Variants in STK32C observed in about 807,000 individuals in gnomAD.
STK32C encodes the protein serine/threonine-protein kinase 32C.
A neutral mutation model predicts 56.5 loss-of-function variants in STK32C; 31 were observed. The ratio of observed to expected loss-of-function variants is 0.55; its 90% CI spans 0.41 to 0.74. The LOEUF is 0.74. STK32C is among the 30% of genes least tolerant of loss of function. The pLI, the probability that STK32C is intolerant of heterozygous loss-of-function variation, is 0.00. For missense variants in STK32C, 544 were observed against 676.9 expected (o/e 0.80, Z 2.18); for synonymous variants, 309 against 289.4 (o/e 1.07, Z -0.69).
intron 2 of STK32C, among the ~76,000 whole-genome samples, chr10:132,245,017 C>T (rs1315473971): frequency 1.3e-5 from 2 of 152,140 alleles, no homozygotes; most frequent in East Asian, 1.9e-4. Flanking sequence ...CTCATTTGCT[C>T]TGACTTTTCA....
chr10:132,252,021 C>G (rs2063927707), intron 1 of STK32C, among the ~76,000 whole-genome samples: 1 of 152,222 alleles, frequency 6.6e-6, no homozygotes, highest in Non-Finnish European at 1.5e-5. Context: ...TGCCCTATGC[C>G]TCCTGGGGCC....
intron 10 of STK32C, among the ~76,000 whole-genome samples, chr10:132,217,166 G>A (rs1348496202): frequency 6.6e-6 from 1 of 152,242 alleles, no homozygotes; most frequent in Non-Finnish European, 1.5e-5. Flanking sequence ...GAGCCACAAG[G>A]GCAGAGCTGC....
chr10:132,230,966 C>T (rs1323384402), intron 2 of STK32C, among the ~76,000 whole-genome samples: 4 of 152,188 alleles, frequency 2.6e-5, no homozygotes. Flanking sequence ...GCTTCCCGTG[C>T]CCTCTGGGCC....
intron 1 of STK32C, among the ~76,000 whole-genome samples, chr10:132,312,988 C>T (rs967010292): frequency 1.3e-5 from 2 of 152,100 alleles, no homozygotes; most frequent in Admixed American, 6.6e-5. Flanking sequence ...TGCTGTGAGC[C>T]GAGATCACGC....
chr10:132,219,588 C>T (rs1252656075), intron 10 of STK32C, among the ~76,000 whole-genome samples: 7 of 152,206 alleles, frequency 4.6e-5, no homozygotes, highest in East Asian at 1.9e-4. Context: ...CCCCCAACCC[C>T]GAGAACCTTC....
chr10:132,216,489 A>G (rs1054310742), intron 10 of STK32C, among the ~76,000 whole-genome samples: 154 of 151,976 alleles, frequency 1.0e-3, no homozygotes, highest in Non-Finnish European at 1.8e-3. Context: ...AAAAGAGAGA[A>G]AAAAAAGAAA....
chr10:132,260,895 G>A (rs892022796), intron 1 of STK32C, among the ~76,000 whole-genome samples: 18 of 152,198 alleles, frequency 1.2e-4, no homozygotes, highest in African/African-American at 4.1e-4. Flanking sequence ...CGAGGTCAGC[G>A]CTGCCAGACC....
At chr10:132,282,236 C>T (rs554193354) in intron 1 of STK32C, among the ~76,000 whole-genome samples, 31 of 152,380 alleles carry the variant, frequency 2.0e-4, no homozygotes, top group African/African-American at 5.3e-4. Flanking sequence ...GCTTCGCAGC[C>T]GCCCACCCCG....
chr10:132,267,755 GTGTGCATGCA>G (rs1429142486), intron 1 of STK32C, among the ~76,000 whole-genome samples: 2 of 129,900 alleles, frequency 1.5e-5, no homozygotes, highest in African/African-American at 6.4e-5. Flanking sequence ...GTGTCGGTGC[GTGTGCATGCA>G]TGTGCATGCA....
intron 10 of STK32C, chr10:132,209,416 C>A: frequency 1.7e-6 from 1 of 584,828 alleles, no homozygotes; most frequent in Non-Finnish European, 3.2e-6. Flanking sequence ...GGAAACCACT[C>A]CCTTGCCGGG....
intron 2 of STK32C, among the ~76,000 whole-genome samples, chr10:132,234,200 A>T (rs2063196632): frequency 6.6e-6 from 1 of 152,022 alleles, no homozygotes; most frequent in South Asian, 2.1e-4. Flanking sequence ...TGTGTGCAGG[A>T]TGTGCATAAT....
intron 1 of STK32C, among the ~76,000 whole-genome samples, chr10:132,304,461 T>C (rs890768084): frequency 6.6e-6 from 1 of 152,150 alleles, no homozygotes; most frequent in Non-Finnish European, 1.5e-5. Context: ...AGCCAACAAA[T>C]GATGCCTCAG....
chr10:132,239,533 C>T (rs1369997371), intron 2 of STK32C, among the ~76,000 whole-genome samples: 1 of 152,364 alleles, frequency 6.6e-6, no homozygotes, highest in Admixed American at 6.5e-5. Flanking sequence ...ACGCACTTGG[C>T]CGCCGCAGAG....
intron 7 of STK32C, among the ~76,000 whole-genome samples, chr10:132,224,962 G>C (rs2062831022): frequency 6.6e-6 from 1 of 152,202 alleles, no homozygotes; most frequent in African/African-American, 2.4e-5. Context: ...CAGCACCCCT[G>C]CTGGCCAGTT....
At chr10:132,271,479 C>G (rs959232163) in intron 1 of STK32C, among the ~76,000 whole-genome samples, 1 of 152,194 alleles carries the variant, frequency 6.6e-6, no homozygotes, top group African/African-American at 2.4e-5. Context: ...TCACTGGGCA[C>G]CTGAGGCTGG....
intron 10 of STK32C, among the ~76,000 whole-genome samples, chr10:132,213,747 A>C (rs2062385962): frequency 6.6e-6 from 1 of 152,258 alleles, no homozygotes; most frequent in South Asian, 2.1e-4. Flanking sequence ...TAATATGGCA[A>C]GGGCTCCAGG....
intron 1 of STK32C, among the ~76,000 whole-genome samples, chr10:132,290,466 G>A (rs1234904214): frequency 6.6e-6 from 1 of 152,250 alleles, no homozygotes; most frequent in Non-Finnish European, 1.5e-5. Context: ...AGCACCTAGA[G>A]AGGATGCGAT....
intron 1 of STK32C, among the ~76,000 whole-genome samples, chr10:132,281,998 G>A (rs954759337): frequency 5.3e-5 from 8 of 152,238 alleles, no homozygotes; most frequent in Admixed American, 1.3e-4. Flanking sequence ...CCTGCTGAGC[G>A]CCGACATTCA....
At chr10:132,308,708 G>A (rs1450287315), upstream of STK32C, among the ~76,000 whole-genome samples, 7 of 152,290 alleles carry the variant, frequency 4.6e-5, no homozygotes, top group African/African-American at 1.4e-4. Flanking sequence ...GCCTGAGACC[G>A]CGTGCCCGAG....
Sources: allele counts gnomAD v4.1 joint callset (sites outside exome capture counted in the v4.1 genomes callset), GRCh38; gene constraint gnomAD v4.1.1; transcripts MANE v1.5; gene names NCBI Gene and HGNC (gene_info 2026-07-23, HGNC 2026-07-21).